Variants in SLC35F1 observed in about 807,000 individuals in gnomAD.
The protein encoded by SLC35F1 is chromosome 6 open reading frame 169.
Under a neutral mutation model 48.7 loss-of-function variants are expected in SLC35F1, and 14 were observed. The ratio of observed to expected loss-of-function variants is 0.29; its 90% CI spans 0.19 to 0.45. The LOEUF is 0.45. Among genes scored for constraint, SLC35F1 ranks in the 20% least tolerant of loss-of-function variants. The pLI, the probability that SLC35F1 is intolerant of heterozygous loss-of-function variation, is 1.00. For synonymous variants in SLC35F1, 190 were observed against 202.2 expected, an observed-to-expected ratio of 0.94 and a Z score of 0.51; for missense variants, 404 against 500.0, an observed-to-expected ratio of 0.81 and a Z score of 1.83.
intron 3 of SLC35F1, among the ~76,000 whole-genome samples, chr6:118,242,737 C>T (rs1031704681): frequency 6.6e-6 from 1 of 152,176 alleles, no homozygotes; most frequent in Admixed American, 6.5e-5. Context: ...TTCAGGCATA[C>T]AGACTAAAAT....
At chr6:118,240,053 A>G (rs1775417346) in intron 3 of SLC35F1, among the ~76,000 whole-genome samples, 2 of 152,240 alleles carry the variant, frequency 1.3e-5, no homozygotes, top group African/African-American at 2.4e-5. Flanking sequence ...AACACATAGT[A>G]TGTGTTTTAC....
chr6:118,020,259 A>G (rs183925443), intron 1 of SLC35F1, among the ~76,000 whole-genome samples: 196 of 152,320 alleles, frequency 1.3e-3, no homozygotes, highest in Admixed American at 2.9e-3. Flanking sequence ...AACTAGCCTA[A>G]TGAGTCCCTT....
At chr6:118,099,792 G>A (rs889710893) in intron 1 of SLC35F1, among the ~76,000 whole-genome samples, 4 of 152,128 alleles carry the variant, frequency 2.6e-5, no homozygotes, top group African/African-American at 7.2e-5. Context: ...GCTGTGGTTC[G>A]CTGTAACACA....
intron 1 of SLC35F1, among the ~76,000 whole-genome samples, chr6:118,067,368 A>G (rs1163267657): frequency 6.6e-6 from 1 of 152,196 alleles, no homozygotes; most frequent in Non-Finnish European, 1.5e-5. Flanking sequence ...ATTAAGAGTC[A>G]TCAAGGTTTA....
intron 1 of SLC35F1, among the ~76,000 whole-genome samples, chr6:117,998,323 A>G (rs1210071415): frequency 6.7e-6 from 1 of 149,862 alleles, no homozygotes; most frequent in Admixed American, 6.7e-5. Flanking sequence ...CACAATAATA[A>G]TGGGAGACTT....
At chr6:118,164,614 T>C (rs1484863050) in intron 2 of SLC35F1, among the ~76,000 whole-genome samples, 1 of 152,190 alleles carries the variant, frequency 6.6e-6, no homozygotes, top group Non-Finnish European at 1.5e-5. Context: ...TATAGGACAG[T>C]GTGAGGCATA....
rs1480360449 is a variant in SLC35F1, at chr6:117,923,697, A to ATG, written c.173+15799_173+15800insGT. On this transcript the variant is annotated intron_variant, in intron 1 of 7. Transcript: ENST00000360388. ...TATGTACATATATACATATGTACAT[A>ATG]TACATATATGTACATATATACATAT... Among the ~76,000 whole-genome samples the ATG allele has an allele frequency of 3.2e-3, 315 of 97,304 alleles. 93 individuals are homozygous for ATG. Among genetic ancestry groups the ATG allele is most frequent in the Middle Eastern group, 0.022 (2 of 90 alleles). The allele number at this position is 97,304 out of a possible 152,430, so 63.8% of individuals were successfully genotyped here.
intron 1 of SLC35F1, among the ~76,000 whole-genome samples, chr6:118,138,883 C>G (rs558986114): frequency 1.3e-5 from 2 of 151,980 alleles, no homozygotes; most frequent in Non-Finnish European, 2.9e-5. Flanking sequence ...TTTGGCAACG[C>G]GTGCACCGGT....
At chr6:118,179,578 A>G (rs1191292173) in intron 2 of SLC35F1, among the ~76,000 whole-genome samples, 1 of 152,152 alleles carries the variant, frequency 6.6e-6, no homozygotes, top group Non-Finnish European at 1.5e-5. Context: ...CCTGGAAATA[A>G]TATTTTACTA....
chr6:118,241,390 A>G lies in SLC35F1; in HGVS notation c.477+5754A>G, dbSNP rs191109588. Among the ~76,000 whole-genome samples, 200 of 152,336 alleles carry G rather than the reference A, an allele frequency of 1.3e-3. 1 individual carries two copies. Among genetic ancestry groups the G allele is most frequent in the Non-Finnish European group, 2.1e-4 (14 of 68,030 alleles). ...AATGTCACAAACAATTGATATATGAAGCTTGAGAGGAAAATGTATATATAT... is the reference window on the plus strand; with the variant it reads ...AATGTCACAAACAATTGATATATGAGGCTTGAGAGGAAAATGTATATATAT... On this transcript the variant is annotated intron_variant, in intron 3 of 7. Transcript: ENST00000360388.
intron 4 of SLC35F1, among the ~76,000 whole-genome samples, chr6:118,268,397 A>G (rs1775804220): frequency 6.6e-6 from 1 of 151,774 alleles, no homozygotes; most frequent in South Asian, 2.1e-4. Context: ...GAAAATAAAT[A>G]CCTCAGTGTT....
intron 1 of SLC35F1, among the ~76,000 whole-genome samples, chr6:118,138,856 C>T (rs532103737): frequency 7.9e-5 from 12 of 152,126 alleles, no homozygotes; most frequent in Non-Finnish European, 1.5e-4. Flanking sequence ...ACGTACAACT[C>T]ATTTGAATTT....
At chr6:118,149,971 C>T (rs527391593) in intron 1 of SLC35F1, among the ~76,000 whole-genome samples, 1 of 152,254 alleles carries the variant, frequency 6.6e-6, no homozygotes, top group East Asian at 1.9e-4. Context: ...AATCAGGACA[C>T]ACAGTATATT....
chr6:118,146,330 A>G (rs1477517090), intron 1 of SLC35F1, among the ~76,000 whole-genome samples: 1 of 152,150 alleles, frequency 6.6e-6, no homozygotes, highest in Admixed American at 6.5e-5. Context: ...TTCTGAATTA[A>G]AACTCTACCC....
At chr6:118,044,252 G>T (rs1772268627) in intron 1 of SLC35F1, among the ~76,000 whole-genome samples, 1 of 152,146 alleles carries the variant, frequency 6.6e-6, no homozygotes, top group Non-Finnish European at 1.5e-5. Flanking sequence ...TCCCCTGTGT[G>T]GGGAAACCTC....
chr6:118,280,509 G>T (rs1479668013), intron 6 of SLC35F1, among the ~76,000 whole-genome samples: 1 of 152,148 alleles, frequency 6.6e-6, no homozygotes, highest in African/African-American at 2.4e-5. Context: ...CAAAACAAAA[G>T]AAAGATTTGG....
At chr6:118,229,944 G>C (rs1775266142) in intron 2 of SLC35F1, among the ~76,000 whole-genome samples, 1 of 152,128 alleles carries the variant, frequency 6.6e-6, no homozygotes, top group Admixed American at 6.6e-5. Flanking sequence ...CTTCAAATTA[G>C]AATGACTTTC....
At chr6:118,134,592 G>T (rs188961053) in intron 1 of SLC35F1, among the ~76,000 whole-genome samples, 26 of 152,296 alleles carry the variant, frequency 1.7e-4, no homozygotes, top group Admixed American at 1.5e-3. Flanking sequence ...TGAACTTGCG[G>T]CAGAGACCTA....
intron 1 of SLC35F1, among the ~76,000 whole-genome samples, chr6:118,047,066 A>G (rs1772311981): frequency 6.6e-6 from 1 of 152,146 alleles, no homozygotes; most frequent in Non-Finnish European, 1.5e-5. Context: ...ACTCTCAGAG[A>G]TTCCAATAAT....
Sources: gnomAD v4.1 joint callset for allele counts (sites outside exome capture counted in the v4.1 genomes callset) on GRCh38, gnomAD v4.1.1 for gene constraint, MANE v1.5 for transcripts, NCBI Gene and HGNC (gene_info 2026-07-23, HGNC 2026-07-21) for gene names.